SPATS2: variants seen among roughly 807,000 people sequenced by gnomAD.
The protein encoded by SPATS2 is spermatogenesis-associated serine-rich protein 2.
A neutral mutation model predicts 63.7 loss-of-function variants in SPATS2; 38 were observed. That is an observed-to-expected ratio of 0.60 (90% CI 0.46 to 0.78). The LOEUF is 0.78. Ranked by LOEUF, SPATS2 falls within the 30% of genes least tolerant of loss-of-function variation. The pLI, the probability that SPATS2 is intolerant of heterozygous loss-of-function variation, is 0.00. For missense variants in SPATS2, 588 were observed against 666.2 expected (o/e 0.88, Z 1.29); for synonymous variants, 207 against 232.9 (o/e 0.89, Z 1.01).
chr12:49,502,560 C>T (rs924288129), intron 9 of SPATS2, among the ~76,000 whole-genome samples: 4 of 152,270 alleles, frequency 2.6e-5, no homozygotes, highest in Non-Finnish European at 4.4e-5. Flanking sequence ...AAGCCATCCT[C>T]CCACCCTCAG....
At chr12:49,407,758 C>T (rs1250965794) in intron 2 of SPATS2, among the ~76,000 whole-genome samples, 1 of 152,160 alleles carries the variant, frequency 6.6e-6, no homozygotes, top group African/African-American at 2.4e-5. Flanking sequence ...TTATTGCTAT[C>T]TCCCCATAGG....
chr12:49,377,910 G>C (rs758492794), intron 2 of SPATS2, among the ~76,000 whole-genome samples: 5 of 152,148 alleles, frequency 3.3e-5, no homozygotes, highest in Non-Finnish European at 7.4e-5. Flanking sequence ...TTCTGTATCT[G>C]TAAAATGGAT....
intron 2 of SPATS2, among the ~76,000 whole-genome samples, chr12:49,447,413 G>A (rs1012397079): frequency 9.9e-5 from 15 of 151,506 alleles, no homozygotes; most frequent in African/African-American, 3.4e-4. Flanking sequence ...TAATTTTTGC[G>A]TTTTTAGTAG....
chr12:49,447,114 G>C (rs1049485384), intron 2 of SPATS2, among the ~76,000 whole-genome samples: 1 of 151,880 alleles, frequency 6.6e-6, no homozygotes, highest in Non-Finnish European at 1.5e-5. Flanking sequence ...ATTTTTAGTA[G>C]AGACAGGGTT....
chr12:49,453,814 C>T (rs1395646509), intron 2 of SPATS2, among the ~76,000 whole-genome samples: 1 of 143,886 alleles, frequency 6.9e-6, no homozygotes, highest in African/African-American at 2.5e-5. Context: ...CTAAAAAAGA[C>T]AAAATCCAAG....
chr12:49,484,452 T>C, intron 3 of SPATS2, 138 bp from the exon 4 acceptor site: 1 of 645,070 alleles, frequency 1.6e-6, no homozygotes, highest in Admixed American at 2.8e-5. Flanking sequence ...ATGTTATCTA[T>C]GTAACAGAAT....
At chr12:49,395,042 C>G (rs1944484844) in intron 2 of SPATS2, among the ~76,000 whole-genome samples, 1 of 151,964 alleles carries the variant, frequency 6.6e-6, no homozygotes, top group Admixed American at 6.6e-5. Context: ...CACCGCACTC[C>G]AGCCTGGGCA....
At chr12:49,428,448 C>T (rs1406622137) in intron 2 of SPATS2, among the ~76,000 whole-genome samples, 1 of 152,160 alleles carries the variant, frequency 6.6e-6, no homozygotes, top group African/African-American at 2.4e-5. Context: ...CCTCTTCCCC[C>T]TAGCCTCTGG....
intron 10 of SPATS2, among the ~76,000 whole-genome samples, chr12:49,517,406 A>T (rs1946868758): frequency 6.6e-6 from 1 of 152,092 alleles, no homozygotes; most frequent in African/African-American, 2.4e-5. Flanking sequence ...AACTCTTTAA[A>T]ACTTCTGTTT....
At chr12:49,458,412 G>A (rs1283116145) in intron 2 of SPATS2, among the ~76,000 whole-genome samples, 1 of 152,004 alleles carries the variant, frequency 6.6e-6, no homozygotes, top group Non-Finnish European at 1.5e-5. Context: ...AGGTTGCAGC[G>A]AGCCAAGATC....
At chr12:49,518,934 T>C (rs1946893059) in intron 10 of SPATS2, 139 bp from the exon 11 acceptor site, 6 of 539,878 alleles carry the variant, frequency 1.1e-5, no homozygotes, top group Non-Finnish European at 1.6e-5. Context: ...GAGACCAGAC[T>C]TTTGATATTT....
intron 11 of SPATS2, among the ~76,000 whole-genome samples, chr12:49,522,130 T>A (rs562739677): frequency 8.5e-5 from 13 of 152,320 alleles, no homozygotes; most frequent in Admixed American, 7.2e-4. Flanking sequence ...ATGATTTTTA[T>A]AGCATGGTTA....
intron 2 of SPATS2, chr12:49,389,907 C>G (rs1012118049): frequency 1.2e-6 from 1 of 815,350 alleles, no homozygotes; most frequent in Non-Finnish European, 2.2e-6. Context: ...AAAAGCAGCA[C>G]TCCAAGGATA....
intron 3 of SPATS2, among the ~76,000 whole-genome samples, chr12:49,476,316 TC>T (rs1946116996): frequency 6.6e-6 from 1 of 152,128 alleles, no homozygotes; most frequent in African/African-American, 2.4e-5. Context: ...GAGAGCCTGG[TC>T]CGCCTAGTGG....
At chr12:49,435,638 C>CTTTTTT (rs34420984) in intron 2 of SPATS2, among the ~76,000 whole-genome samples, 1 of 96,026 alleles carries the variant, frequency 1.0e-5, no homozygotes, top group Non-Finnish European at 2.3e-5. Flanking sequence ...TGAATGGTTT[C>CTTTTTT]TTTTTTTTTT....
At chr12:49,410,533 C>T (rs1281302802) in intron 2 of SPATS2, among the ~76,000 whole-genome samples, 1 of 152,140 alleles carries the variant, frequency 6.6e-6, no homozygotes, top group Non-Finnish European at 1.5e-5. Context: ...CAACTTCTAC[C>T]TGACCTCATT....
At chr12:49,411,004 A>G (rs1434932002) in intron 2 of SPATS2, among the ~76,000 whole-genome samples, 1 of 151,904 alleles carries the variant, frequency 6.6e-6, no homozygotes, top group Non-Finnish European at 1.5e-5. Context: ...GGGAGGTGAC[A>G]TTTACTTATT....
chr12:49,486,409 T>TA (rs1391777747), intron 4 of SPATS2: 1 of 293,912 alleles, frequency 3.4e-6, no homozygotes, highest in African/African-American at 2.3e-5. Flanking sequence ...GTCACCATGT[T>TA]AGCCAGGATG....
intron 2 of SPATS2, among the ~76,000 whole-genome samples, chr12:49,398,591 A>G (rs1029214649): frequency 4.6e-5 from 7 of 152,222 alleles, no homozygotes; most frequent in Admixed American, 1.3e-4. Flanking sequence ...CATAGGCACT[A>G]TGGGAAGAAG....
Sources: gnomAD v4.1 joint callset for allele counts (sites outside exome capture counted in the v4.1 genomes callset) on GRCh38, gnomAD v4.1.1 for gene constraint, MANE v1.5 for transcripts, NCBI Gene and HGNC (gene_info 2026-07-23, HGNC 2026-07-21) for gene names.